The following METTL5 variants were observed in gnomAD, a reference collection of about 807,000 sequenced individuals.
The protein encoded by METTL5 is rRNA N(6)-adenosine-methyltransferase METTL5.
In METTL5, 28 loss-of-function variants were observed where a neutral mutation model predicts 26.5. The ratio of observed to expected loss-of-function variants is 1.06; its 90% confidence interval spans 0.78 to 1.45. The LOEUF (loss-of-function observed/expected upper bound fraction) is 1.45. METTL5 is among the 40% of genes most tolerant of loss of function. The pLI, the probability that METTL5 is intolerant of heterozygous loss-of-function variation, is 0.00. For missense variants in METTL5, 231 were observed against 249.9 expected, an observed-to-expected ratio of 0.92 and a Z score of 0.51; for synonymous variants, 86 against 82.6, an observed-to-expected ratio of 1.04 and a Z score of -0.22.
chr2:169,812,764 G>A (rs6749657), intron 5 of METTL5: 15,901 of 324,736 alleles, frequency 0.049, 614 homozygotes, highest in African/African-American at 0.13. Flanking sequence ...AACAGTGGAC[G>A]AAAAAGTAAA....
At chr2:169,816,738 A>G (rs1220274395) in intron 4 of METTL5, among the ~76,000 whole-genome samples, 1 of 152,246 alleles carries the variant, frequency 6.6e-6, no homozygotes, top group Non-Finnish European at 1.5e-5. Context: ...AAAACTGGCT[A>G]GCCATATGCA....
intron 1 of METTL5, among the ~76,000 whole-genome samples, chr2:169,822,566 A>G (rs936293793): frequency 6.6e-6 from 1 of 152,152 alleles, no homozygotes; most frequent in Admixed American, 6.5e-5. Flanking sequence ...CTATCAAACA[A>G]GCATTAGCAT....
chr2:169,817,543 G>A (rs779259685), intron 4 of METTL5, among the ~76,000 whole-genome samples: 1 of 152,058 alleles, frequency 6.6e-6, no homozygotes, highest in Admixed American at 6.6e-5. Context: ...AATGTCCATC[G>A]ATAATAGACT....
rs1185465547 is a variant in METTL5, at chr2:169,819,656, G to A, written c.407-13C>T. 1.9e-6 allele frequency: 3 copies of A among 1,583,254 alleles called. No individual in the cohort carries two copies. The highest frequency in any genetic ancestry group is 3.5e-5 in the Admixed American group (2 of 57,446). ...GCCATATCTGTCCCTGTGAAGAGTAGAAAAAAAGCTCCTATTTACCTCTTC... is the reference window on the plus strand; with the variant it reads ...GCCATATCTGTCCCTGTGAAGAGTAAAAAAAAAGCTCCTATTTACCTCTTC... On this transcript the variant is annotated splice_polypyrimidine_tract_variant and intron_variant, in intron 3 of 6. Transcript: ENST00000260953.
At chr2:169,812,069 TTTTGA>T in intron 6 of METTL5, 1 of 637,948 alleles carries the variant, frequency 1.6e-6, no homozygotes, top group Non-Finnish European at 2.6e-6. Context: ...CAAAAACAGT[TTTTGA>T]TTTTTTTTTT....
rs1411889856 is a variant in METTL5, at chr2:169,811,785, A to AAAT, written c.*32_*34dup. 3 of 1,613,452 alleles carry AAAT rather than the reference A, an allele frequency of 1.9e-6. No individual in the cohort carries two copies. Among genetic ancestry groups the AAAT allele is most frequent in the Non-Finnish European group, 2.5e-6 (3 of 1,179,724 alleles). ...AGTAAACCAATTTTTTATTCATTTT[A>AAAT]AATAGGTTTTAAACGACTTTTGTTT... On this transcript the variant is annotated 3_prime_UTR_variant, in exon 7 of 7. Coordinates refer to ENST00000260953, the MANE Select transcript of METTL5 (RefSeq NM_014168.4).
intron 3 of METTL5, 24 bp downstream of exon 3, chr2:169,821,068 A>C: frequency 6.5e-7 from 1 of 1,544,854 alleles, no homozygotes; most frequent in Non-Finnish European, 8.7e-7. Flanking sequence ...AAATATACCA[A>C]TATACCCGAT....
chr2:169,822,814 G>C (rs1024776038), intron 1 of METTL5, among the ~76,000 whole-genome samples: 2 of 152,066 alleles, frequency 1.3e-5, no homozygotes, highest in Admixed American at 6.6e-5. Flanking sequence ...ATATACTCAT[G>C]ATCTACAGAC....
intron 5 of METTL5, among the ~76,000 whole-genome samples, chr2:169,814,810 C>T (rs1484434722): frequency 2.0e-5 from 3 of 151,830 alleles, no homozygotes; most frequent in Non-Finnish European, 4.4e-5. Context: ...TTCCTGACCT[C>T]GTGATCCGCC....
chr2:169,812,155 C>T (rs1427668390), intron 6 of METTL5: 3 of 553,074 alleles, frequency 5.4e-6, no homozygotes, highest in Admixed American at 3.5e-5. Flanking sequence ...TCCCACAGGC[C>T]ATTTATGGTG....
At position 169,819,449 on chromosome 2, in the gene METTL5, A is replaced by C. The variant is rs13395737; in HGVS notation, c.489+112T>G. On this transcript the variant is annotated intron_variant, in intron 4 of 6. Coordinates refer to ENST00000260953, the MANE Select transcript of METTL5 (RefSeq NM_014168.4). ...TGGAAAATTTAAGTTTCACATGTCA[A>C]AATGGTCAGGAGAAATAGATACTGT... 817 of 718,550 alleles carry C rather than the reference A, an allele frequency of 1.1e-3. 4 individuals carry two copies. In the African/African-American group the frequency reaches 0.013, roughly 12 times the overall value. The allele number at this position is 718,550 out of a possible 1,614,324, so 44.5% of individuals were successfully genotyped here. A position where few individuals can be genotyped will look rare whatever the true frequency, so the allele number is the denominator to read the frequency against.
intron 4 of METTL5, among the ~76,000 whole-genome samples, chr2:169,816,332 C>T (rs887979482): frequency 2.6e-5 from 4 of 151,990 alleles, no homozygotes; most frequent in African/African-American, 9.7e-5. Context: ...GAAGTTTCTC[C>T]GAAAGTGTAG....
In METTL5 at chr2:169,811,876, T is replaced by A. The variant is rs1689968227; in HGVS notation, c.592-18A>T. 2 of 1,610,776 alleles carry A rather than the reference T, an allele frequency of 1.2e-6. No individual in the cohort carries two copies. Among genetic ancestry groups the A allele is most frequent in the Admixed American group, 1.7e-5 (1 of 59,572 alleles). ...ATGTCCACCTGTGAGAAAGGAAAAA[T>A]TTTTTTGTTGTTTAACTTGTCTTTT... On this transcript the variant is annotated intron_variant, in intron 6 of 6. Transcript: ENST00000260953.
In METTL5 at chr2:169,814,468, C is replaced by CAAAAAAAA. The variant is rs572823948; in HGVS notation, c.541+1001_541+1008dup. On this transcript the variant is annotated intron_variant, in intron 5 of 6. Transcript: ENST00000260953. ...TGGGTAACAGAGCAAGGCTTTGTCT[C>CAAAAAAAA]AAAAAAAAAAAAAGAAAAAAGAAAA... Among the ~76,000 whole-genome samples the CAAAAAAAA allele has an allele frequency of 1.2e-4, 7 of 57,544 alleles. 1 individual carries two copies. The highest frequency in any genetic ancestry group is 1.8e-4 in the Non-Finnish European group (6 of 33,536). 37.8% of individuals were successfully genotyped at this position (57,544 alleles called of 152,430 possible).
rs754987827 is a variant in METTL5 at position 169,812,291 on chromosome 2, A to G, written c.591+166T>C. The G allele has an allele frequency of 8.3e-6, 9 of 1,085,596 alleles. No homozygotes were observed. The African/African-American group carries it at 1.4e-4, about 17-fold the overall frequency. 67.2% of individuals were successfully genotyped at this position (1,085,596 alleles called of 1,614,324 possible). On this transcript the variant is annotated intron_variant, in intron 6 of 6. Transcript: ENST00000260953. ...GTCTCACTCTTATCGCGCAGGCTGGAGTTCAGTGGGGCAATCTCAGCTCAC... is the reference window on the plus strand; with the variant it reads ...GTCTCACTCTTATCGCGCAGGCTGGGGTTCAGTGGGGCAATCTCAGCTCAC...
In METTL5 at chr2:169,820,857, T is replaced by C. The variant is rs6433148; in HGVS notation, c.406+235A>G. ...CCTTCTGAGTAGCTAGGACTATAGG[T>C]GCACCACCACACTTGGGAAATTAAA... On this transcript the variant is annotated intron_variant, in intron 3 of 6. Coordinates refer to ENST00000260953, the MANE Select transcript of METTL5 (RefSeq NM_014168.4). Among the ~76,000 whole-genome samples the C allele has an allele frequency of 0.063, 9,590 of 151,086 alleles. 438 individuals carry two copies. The highest frequency in any genetic ancestry group is 0.14 in the African/African-American group (5,612 of 41,182).
intron 5 of METTL5, 51 bp downstream of exon 5, chr2:169,815,426 G>T: frequency 7.2e-7 from 1 of 1,381,054 alleles, no homozygotes; most frequent in Non-Finnish European, 1.0e-6. Flanking sequence ...AATTTTGGTT[G>T]GGCGAATACA....
intron 1 of METTL5, 189 bp downstream of exon 1, chr2:169,824,300 G>GAT: frequency 1.8e-6 from 1 of 552,188 alleles, no homozygotes; most frequent in Non-Finnish European, 3.3e-6. Context: ...ACAGTAAAAT[G>GAT]ATAGTGTGTA....
intron 5 of METTL5, chr2:169,812,979 TTTAC>T (rs891050399): frequency 4.5e-5 from 7 of 153,924 alleles, no homozygotes; most frequent in Non-Finnish European, 7.2e-5. Context: ...CTCCAAACTC[TTTAC>T]TACTGATCTA....
Sources: gnomAD v4.1 joint callset for allele counts (sites outside exome capture counted in the v4.1 genomes callset) on GRCh38, gnomAD v4.1.1 for gene constraint, MANE v1.5 for transcripts, NCBI Gene and HGNC (gene_info 2026-07-23, HGNC 2026-07-21) for gene names.